Variants in RIMS1 observed in about 807,000 individuals in gnomAD.
RIMS1 encodes the protein regulating synaptic membrane exocytosis protein 1.
RIMS1 carries 83 observed loss-of-function variants against 214.1 expected under a neutral mutation model. That is an observed-to-expected ratio of 0.39 (90% CI 0.32 to 0.47). The LOEUF (loss-of-function observed/expected upper bound fraction) is 0.47, where lower values mean the gene tolerates loss of function less well. Among genes scored for constraint, RIMS1 ranks in the 20% least tolerant of loss-of-function variants. RIMS1 has a pLI of 0.99. For synonymous variants in RIMS1, 793 were observed against 786.8 expected (o/e 1.01, Z -0.13); for missense variants, 2,050 against 2,161.8 (o/e 0.95, Z 1.03).
chr6:72,370,728 C>T (rs1042078583), intron 29 of RIMS1, among the ~76,000 whole-genome samples: 15 of 152,156 alleles, frequency 9.9e-5, no homozygotes, highest in African/African-American at 3.6e-4. Flanking sequence ...ATTTAGAAAG[C>T]AGACATAAAT....
chr6:71,960,594 A>G (rs1164940451), intron 1 of RIMS1, among the ~76,000 whole-genome samples: 4 of 152,098 alleles, frequency 2.6e-5, no homozygotes, highest in Admixed American at 6.6e-5. Context: ...GTGGATCCAG[A>G]CTATGTTTCC....
chr6:72,288,078 T>TC (rs1049183866), intron 24 of RIMS1, among the ~76,000 whole-genome samples: 5 of 152,136 alleles, frequency 3.3e-5, no homozygotes, highest in African/African-American at 1.2e-4. Flanking sequence ...AAATTACCAC[T>TC]TTTTTCTCAT....
chr6:72,320,370 G>C (rs548672565), intron 28 of RIMS1, among the ~76,000 whole-genome samples: 1 of 152,248 alleles, frequency 6.6e-6, no homozygotes, highest in African/African-American at 2.4e-5. Context: ...TACAACAGAA[G>C]TCTGTGAAGT....
intron 1 of RIMS1, among the ~76,000 whole-genome samples, chr6:71,940,341 C>T (rs1432689284): frequency 6.6e-6 from 1 of 152,146 alleles, no homozygotes; most frequent in Non-Finnish European, 1.5e-5. Flanking sequence ...ACAGGGTTCA[C>T]ACATGGAGTC....
Position 72,303,794 on chromosome 6 carries a change from A to AT in RIMS1, c.3851-3457dup, listed in dbSNP as rs1372161095. ...CTAATAAGTGCTTTTTGAAAGTACC[A>AT]TTTTTTTAAAACATAAGGCACATAA... On this transcript the variant is annotated intron_variant, in intron 26 of 33. Transcript: ENST00000521978. 4.0e-5 allele frequency among the ~76,000 whole-genome samples: 6 copies of AT among 151,620 alleles called. No individual in the cohort carries two copies. In the East Asian group the frequency reaches 1.2e-3, roughly 29 times the overall value.
At chr6:72,213,048 T>C (rs1034570648) in intron 6 of RIMS1, 2 of 1,531,028 alleles carry the variant, frequency 1.3e-6, no homozygotes, top group African/African-American at 2.7e-5. Flanking sequence ...TTAGATAAGA[T>C]CTTGAGCAGC....
intron 4 of RIMS1, among the ~76,000 whole-genome samples, chr6:72,135,415 TC>T (rs2041126075): frequency 6.6e-6 from 1 of 152,110 alleles, no homozygotes; most frequent in African/African-American, 2.4e-5. Context: ...TCACCTCACC[TC>T]CCAACACTAC....
chr6:72,271,279 A>T (rs1429987518), intron 22 of RIMS1, among the ~76,000 whole-genome samples: 12 of 66,844 alleles, frequency 1.8e-4, no homozygotes, highest in Non-Finnish European at 2.8e-4. Flanking sequence ...GAAAAAAAAA[A>T]AAAAAAAATA....
chr6:72,395,083 C>G (rs2098757393), intron 31 of RIMS1, among the ~76,000 whole-genome samples: 1 of 151,924 alleles, frequency 6.6e-6, no homozygotes, highest in African/African-American at 2.4e-5. Flanking sequence ...GCTACAAGAA[C>G]TATAGAATAC....
Position 72,258,214 on chromosome 6 carries a change from G to A in RIMS1, c.2860G>A (p.Val954Ile). 3.1e-6 allele frequency: 5 copies of A among 1,613,456 alleles called. No individual in the cohort carries two copies. The South Asian group carries it at 5.5e-5, about 18-fold the overall frequency. Residue 954 changes from valine to isoleucine, a missense_variant, in exon 17 of 34, where the codon GTA (valine) becomes ATA (isoleucine). Around this residue, in one of 6 missense-constraint regions of RIMS1, gnomAD observed 889 missense variants for 885.5 expected, o/e 1.00. Transcript: ENST00000521978. ...QRTTHHRSRS[V>I]SPHRGNDQGK... ...AACAACTCATCACCGCTCACGTTCA[G>A]TATCTCCTCATCGCGGCAATGATCA... is the stretch of plus-strand genomic sequence containing the variant.
chr6:72,100,511 G>A (rs2033274499), intron 4 of RIMS1, among the ~76,000 whole-genome samples: 1 of 151,966 alleles, frequency 6.6e-6, no homozygotes, highest in Admixed American at 6.6e-5. Context: ...TGAATAACTT[G>A]TTAGGAGAGT....
At chr6:72,200,367 G>A (rs947131763) in intron 6 of RIMS1, among the ~76,000 whole-genome samples, 2 of 152,102 alleles carry the variant, frequency 1.3e-5, no homozygotes, top group African/African-American at 4.8e-5. Flanking sequence ...TTTCTTTTGT[G>A]CTTTTCCCTT....
intron 3 of RIMS1, 25 bp from the exon 4 acceptor site, chr6:72,099,950 T>C: frequency 6.3e-7 from 1 of 1,597,682 alleles, no homozygotes; most frequent in Non-Finnish European, 8.6e-7. Context: ...TTCTCTACTC[T>C]GCTTCCTTGG....
intron 2 of RIMS1, among the ~76,000 whole-genome samples, chr6:72,078,638 G>C (rs1832505902): frequency 6.6e-6 from 1 of 152,018 alleles, no homozygotes; most frequent in Non-Finnish European, 1.5e-5. Flanking sequence ...TCATTAGGTA[G>C]AAGCTTTCTC....
chr6:72,261,616 CA>C (rs2078059349), intron 19 of RIMS1: 1 of 984,872 alleles, frequency 1.0e-6, no homozygotes, highest in Admixed American at 6.2e-5. Context: ...TAATCGAACT[CA>C]AATATTTTAG....
rs1482361720 is a variant in RIMS1, at chr6:72,215,550, A to C, written c.1679-18223A>C. ...TAAACCCCATCTCTAATATGGGATA[A>C]GTGTTGTTGATTTTTCCATATGCCT... is the stretch of plus-strand genomic sequence containing the variant. On this transcript the variant is annotated intron_variant, in intron 6 of 33. Coordinates refer to ENST00000521978, the MANE Select transcript of RIMS1 (RefSeq NM_014989.7). 2.6e-5 allele frequency among the ~76,000 whole-genome samples: 4 copies of C among 152,348 alleles called. No individual in the cohort carries two copies. In the East Asian group the frequency reaches 7.7e-4, roughly 29 times the overall value.
chr6:72,073,573 A>G (rs1351312815), intron 2 of RIMS1, among the ~76,000 whole-genome samples: 25 of 152,182 alleles, frequency 1.6e-4, no homozygotes, highest in Admixed American at 1.4e-3. Context: ...GAAACTTAAC[A>G]CTGAGCGTCT....
intron 2 of RIMS1, among the ~76,000 whole-genome samples, chr6:71,990,611 G>A (rs1355797609): frequency 6.6e-6 from 1 of 151,986 alleles, no homozygotes; most frequent in Admixed American, 6.6e-5. Flanking sequence ...AGGCCCAGAG[G>A]GGCCTAATTT....
chr6:72,099,361 C>T (rs576429249), intron 3 of RIMS1, among the ~76,000 whole-genome samples: 1 of 152,288 alleles, frequency 6.6e-6, no homozygotes, highest in South Asian at 2.1e-4. Flanking sequence ...AGAAAGCACA[C>T]ATCTTAAGAT....
Sources: allele counts gnomAD v4.1 joint callset (sites outside exome capture counted in the v4.1 genomes callset), GRCh38; gene constraint gnomAD v4.1.1; regional missense constraint gnomAD v4.1.1; transcripts MANE v1.5; gene names NCBI Gene and HGNC (gene_info 2026-07-23, HGNC 2026-07-21).